The following OSBPL9 variants were observed in gnomAD, a reference collection of about 807,000 sequenced individuals.
OSBPL9 encodes the protein oxysterol-binding protein-related protein 9.
OSBPL9 carries 40 observed loss-of-function variants against 106.6 expected under a neutral mutation model. The ratio of observed to expected loss-of-function variants is 0.38; its 90% CI spans 0.29 to 0.49. OSBPL9 has a LOEUF of 0.49. OSBPL9 is among the 20% of genes least tolerant of loss of function. The pLI, the probability that OSBPL9 is intolerant of heterozygous loss-of-function variation, is 0.97. For missense variants in OSBPL9, 609 were observed against 887.2 expected (o/e 0.69, Z 3.98); for synonymous variants, 269 against 295.4 (o/e 0.91, Z 0.92).
upstream of OSBPL9, among the ~76,000 whole-genome samples, chr1:51,613,009 A>G (rs1402836478): frequency 2.6e-5 from 4 of 152,172 alleles, no homozygotes; most frequent in Non-Finnish European, 5.9e-5. Flanking sequence ...AGGATTGTTG[A>G]GGGGAATAAA....
At chr1:51,554,817 T>C in the OSBPL9 span, among the ~76,000 whole-genome samples, 51 of 152,338 alleles carry the variant, frequency 3.3e-4, no homozygotes, top group African/African-American at 1.2e-3. Context: ...ATTTTACCTG[T>C]TGAAGTGAAA....
intron 1 of OSBPL9, among the ~76,000 whole-genome samples, chr1:51,646,047 G>A (rs1646133734): frequency 6.6e-6 from 1 of 152,184 alleles, no homozygotes; most frequent in South Asian, 2.1e-4. Context: ...ATTGAGAAGT[G>A]TGAGTCCTCC....
At chr1:51,600,495 A>C (rs1645321233) in intron 2 of OSBPL9, among the ~76,000 whole-genome samples, 1 of 151,868 alleles carries the variant, frequency 6.6e-6, no homozygotes. Context: ...AACAGGCTGG[A>C]TTCATTATTA....
chr1:51,603,483 A>G (rs375813612), intron 2 of OSBPL9, among the ~76,000 whole-genome samples: 15 of 152,318 alleles, frequency 9.8e-5, no homozygotes, highest in African/African-American at 3.6e-4. Flanking sequence ...CATCCTCACA[A>G]AAACCCAGTG....
intron 3 of OSBPL9, among the ~76,000 whole-genome samples, chr1:51,687,501 A>G (rs1654054589): frequency 1.3e-5 from 2 of 152,212 alleles, no homozygotes; most frequent in Admixed American, 6.5e-5. Context: ...AGCTTCACAG[A>G]AGAGATAATG....
intron 4 of OSBPL9, among the ~76,000 whole-genome samples, chr1:51,723,082 C>T (rs186005364): frequency 2.0e-5 from 3 of 152,332 alleles, no homozygotes; most frequent in East Asian, 1.9e-4. Flanking sequence ...TACGCATGTG[C>T]GGCCTCCCCT....
At chr1:51,644,194 G>A (rs1332395222) in intron 1 of OSBPL9, among the ~76,000 whole-genome samples, 3 of 151,532 alleles carry the variant, frequency 2.0e-5, no homozygotes, top group African/African-American at 7.3e-5. Context: ...GGTTTTGAGA[G>A]TTTGTTTTTC....
chr1:51,602,975 G>A (rs1645331478), intron 2 of OSBPL9, among the ~76,000 whole-genome samples: 2 of 152,152 alleles, frequency 1.3e-5, no homozygotes, highest in African/African-American at 2.4e-5. Context: ...GAGAAACATG[G>A]TGAAACCCTT....
intron 1 of OSBPL9, among the ~76,000 whole-genome samples, chr1:51,596,517 C>G (rs1645300476): frequency 6.7e-6 from 1 of 149,818 alleles, no homozygotes; most frequent in South Asian, 2.1e-4. Context: ...CGAGAGCACG[C>G]CACTGCACTC....
chr1:51,718,243 A>G (rs956461900), intron 4 of OSBPL9, among the ~76,000 whole-genome samples: 1 of 152,080 alleles, frequency 6.6e-6, no homozygotes, highest in African/African-American at 2.4e-5. Flanking sequence ...GGGAGTGGGG[A>G]TGGTTAATGG....
At chr1:51,542,640 A>G in the OSBPL9 span, among the ~76,000 whole-genome samples, 21 of 152,212 alleles carry the variant, frequency 1.4e-4, no homozygotes, top group African/African-American at 5.1e-4. Flanking sequence ...TACTTTATAC[A>G]TACTCTCTCA....
intron 1 of OSBPL9, among the ~76,000 whole-genome samples, chr1:51,650,560 A>G (rs1570793642): frequency 6.6e-6 from 1 of 152,138 alleles, no homozygotes; most frequent in Non-Finnish European, 1.5e-5. Context: ...GATTCCTGAT[A>G]TTTATAGTTA....
the OSBPL9 span, among the ~76,000 whole-genome samples, chr1:51,543,159 G>A: frequency 6.6e-6 from 1 of 152,318 alleles, no homozygotes; most frequent in Non-Finnish European, 1.5e-5. Flanking sequence ...CAAGGAAACA[G>A]ATCAATTTAT....
intron 4 of OSBPL9, among the ~76,000 whole-genome samples, chr1:51,715,351 A>G (rs575763416): frequency 1.3e-5 from 2 of 152,350 alleles, no homozygotes; most frequent in African/African-American, 4.8e-5. Context: ...TTTCTTTTAA[A>G]TTTAGGCAGT....
At chr1:51,550,062 C>G in the OSBPL9 span, among the ~76,000 whole-genome samples, 1 of 152,146 alleles carries the variant, frequency 6.6e-6, no homozygotes, top group Non-Finnish European at 1.5e-5. Flanking sequence ...AGAGACTGGT[C>G]CTGTCCCTTA....
chr1:51,639,309 G>C (rs1389692203), intron 1 of OSBPL9, among the ~76,000 whole-genome samples: 1 of 152,158 alleles, frequency 6.6e-6, no homozygotes, highest in Non-Finnish European at 1.5e-5. Context: ...GTAGTAGATG[G>C]TCGAAGGTAC....
At chr1:51,593,316 C>T (rs1196410061) in intron 1 of OSBPL9, among the ~76,000 whole-genome samples, 1 of 152,176 alleles carries the variant, frequency 6.6e-6, no homozygotes, top group Non-Finnish European at 1.5e-5. Flanking sequence ...AATCCAGGTC[C>T]ACTTACTTTC....
At chr1:51,598,412 A>T (rs560966387) in intron 2 of OSBPL9, among the ~76,000 whole-genome samples, 3 of 152,352 alleles carry the variant, frequency 2.0e-5, no homozygotes, top group Admixed American at 1.3e-4. Context: ...TTTCAATATC[A>T]GCACTATTGA....
intron 1 of OSBPL9, among the ~76,000 whole-genome samples, chr1:51,651,299 T>C (rs1355056274): frequency 6.6e-6 from 1 of 152,056 alleles, no homozygotes; most frequent in East Asian, 1.9e-4. Flanking sequence ...TCTGTTTGCC[T>C]TTGTCATAAT....
Sources: allele counts gnomAD v4.1 joint callset (sites outside exome capture counted in the v4.1 genomes callset), GRCh38; gene constraint gnomAD v4.1.1; transcripts MANE v1.5; gene names NCBI Gene and HGNC (gene_info 2026-07-23, HGNC 2026-07-21).